PEX1: variants seen among roughly 807,000 people sequenced by gnomAD.
PEX1 encodes peroxisomal ATPase PEX1.
In PEX1, 97 loss-of-function variants were observed where a neutral mutation model predicts 152.5. The observed-to-expected ratio is 0.64, with a 90% CI of 0.54 to 0.75. The LOEUF is 0.75. Among genes scored for constraint, PEX1 ranks in the 30% least tolerant of loss-of-function variants. The pLI is 0.00. For synonymous variants in PEX1, 485 were observed against 531.6 expected (o/e 0.91, Z 1.21); for missense variants, 1,357 against 1,516.3 (o/e 0.89, Z 1.74).
chr7:92,520,205 A>G (rs1474210785), intron 2 of PEX1, among the ~76,000 whole-genome samples: 1 of 152,206 alleles, frequency 6.6e-6, no homozygotes, highest in African/African-American at 2.4e-5. Flanking sequence ...TGTTGCCCAC[A>G]GGGAAGTGCT....
In PEX1 at chr7:92,489,417, C is replaced by T. The variant is rs1338365295; in HGVS notation, c.3643G>A (p.Glu1215Lys). ...GRYRSQSGED[E>K]SMNQPGPIKT... Reference sequence around the variant, plus strand: ...ATTGGTCCTGGTTGGTTCATGGATTCGTCCTCCTTAAGTAAAAAAAGAAAT... The same window carrying T: ...ATTGGTCCTGGTTGGTTCATGGATTTGTCCTCCTTAAGTAAAAAAAGAAAT... Residue 1215 changes from glutamate (E) to lysine (K), a missense_variant, in exon 23 of 24, where the codon GAA becomes AAA. Glu to Lys is a moderately conservative substitution (Grantham distance 56). Coordinates refer to ENST00000248633, the MANE Select transcript of PEX1 (RefSeq NM_000466.3). 2.5e-6 allele frequency: 4 copies of T among 1,612,418 alleles called. No individual in the cohort carries two copies. The highest frequency in any genetic ancestry group is 2.2e-5 in the East Asian group (1 of 44,824).
chr7:92,516,008 A>AAAGAAAAGAGAAGAG (rs1452002272), intron 5 of PEX1, among the ~76,000 whole-genome samples: 17 of 103,552 alleles, frequency 1.6e-4, no homozygotes, highest in African/African-American at 4.0e-4. Flanking sequence ...AAAGAAAAGA[A>AAAGAAAAGAGAAGAG]AAGAGAAGAG....
intron 13 of PEX1, 46 bp from the exon 14 acceptor site, chr7:92,502,125 G>A (rs748185213): frequency 7.8e-7 from 1 of 1,283,098 alleles, no homozygotes; most frequent in African/African-American, 1.5e-5. Flanking sequence ...GTATTCAACT[G>A]TATATTTTTG....
At chr7:92,519,154 T>C (rs935381640) in intron 2 of PEX1, 76 bp from the exon 3 acceptor site, 2 of 814,162 alleles carry the variant, frequency 2.5e-6, no homozygotes, top group Non-Finnish European at 2.1e-6. Context: ...AGAAGTTATC[T>C]TCTTACCATT....
At chr7:92,505,862 C>G (rs944032717) in intron 11 of PEX1, among the ~76,000 whole-genome samples, 1 of 152,098 alleles carries the variant, frequency 6.6e-6, no homozygotes, top group African/African-American at 2.4e-5. Flanking sequence ...AACTGTAATT[C>G]TCCTCATTGC....
intron 22 of PEX1, 133 bp downstream of exon 22, chr7:92,489,581 A>G: frequency 9.8e-7 from 1 of 1,015,752 alleles, no homozygotes; most frequent in Non-Finnish European, 1.5e-6. Context: ...GCACATAACC[A>G]TGACTGAGTT....
Position 92,516,055 on chromosome 7 carries a change from AAAAAGAAAAGAAAAG to A in PEX1, c.1239+1206_1239+1220del, listed in dbSNP as rs58641640. 5.2e-3 allele frequency among the ~76,000 whole-genome samples: 450 copies of A among 85,738 alleles called. 5 individuals carry two copies. The highest frequency in any genetic ancestry group is 0.013 in the African/African-American group (293 of 22,466). 56.2% of individuals were successfully genotyped at this position (85,738 alleles called of 152,430 possible). A position where few individuals can be genotyped will look rare whatever the true frequency, so the allele number is the denominator to read the frequency against. On this transcript the variant is annotated intron_variant, in intron 5 of 23. Coordinates refer to ENST00000248633, the MANE Select transcript of PEX1 (RefSeq NM_000466.3). ...AGAGAAGAGAAGAGAAGAGAAGAGA[AAAAAGAAAAGAAAAG>A]AAAAGAAAAGAAAAGAAAAGAAAAG...
chr7:92,511,760 C>G, intron 6 of PEX1, 57 bp from the exon 7 acceptor site: 1 of 1,506,722 alleles, frequency 6.6e-7, no homozygotes, highest in Non-Finnish European at 9.1e-7. Flanking sequence ...AACTTTAACA[C>G]CCTTATTTTA....
At chr7:92,513,703 T>C (rs376200231) in intron 6 of PEX1, 145 bp downstream of exon 6, 24 of 594,148 alleles carry the variant, frequency 4.0e-5, no homozygotes, top group East Asian at 3.0e-4. Context: ...GAACATGGCA[T>C]ATTTTATGTT....
chr7:92,511,847 G>A (rs1023776277), intron 6 of PEX1, 144 bp from the exon 7 acceptor site: 4 of 739,498 alleles, frequency 5.4e-6, no homozygotes, highest in African/African-American at 5.3e-5. Context: ...ATAGGCACAG[G>A]TCTGGGATTT....
rs1226446593 is a variant in PEX1 at position 92,513,974 on chromosome 7, T to G, written c.1240-7A>C. On this transcript the variant is annotated splice_polypyrimidine_tract_variant and splice_region_variant and intron_variant, in intron 5 of 23. Coordinates refer to ENST00000248633, the MANE Select transcript of PEX1 (RefSeq NM_000466.3). ...TCCTCAGGTCATCTGGAATCTGAAA[T>G]TTAAAAATAAACAAAAATATAAATA... 6.5e-7 allele frequency: 1 copy of G among 1,542,370 alleles called. No homozygotes were observed.
chr7:92,487,324 C>G lies in PEX1; in HGVS notation c.*133G>C, dbSNP rs886062500. ...ATCATTACATAATTATAGCATTTAC[C>G]AATCTGTGATTTTATAAATTAACCA... is the stretch of plus-strand genomic sequence containing the variant. On this transcript the variant is annotated 3_prime_UTR_variant, in exon 24 of 24. Coordinates refer to ENST00000248633, the MANE Select transcript of PEX1 (RefSeq NM_000466.3). 4.8e-5 allele frequency: 28 copies of G among 584,154 alleles called. No homozygotes were observed. Among genetic ancestry groups the G allele is most frequent in the Non-Finnish European group, 6.1e-5 (20 of 328,736 alleles). 36.2% of individuals were successfully genotyped at this position (584,154 alleles called of 1,614,324 possible).
intron 5 of PEX1, 75 bp downstream of exon 5, chr7:92,517,201 A>C: frequency 8.9e-7 from 1 of 1,121,060 alleles, no homozygotes; most frequent in Non-Finnish European, 1.4e-6. Context: ...TATATATGAA[A>C]TACTATTCTA....
intron 10 of PEX1, 182 bp from the exon 11 acceptor site, chr7:92,506,526 CCAGA>C: frequency 1.7e-6 from 1 of 597,404 alleles, no homozygotes; most frequent in Non-Finnish European, 3.0e-6. Context: ...GATAGCAAAA[CCAGA>C]CAAAGACAAC....
At chr7:92,516,269 T>C (rs1792781922) in intron 5 of PEX1, among the ~76,000 whole-genome samples, 1 of 150,450 alleles carries the variant, frequency 6.6e-6, no homozygotes, top group African/African-American at 2.4e-5. Flanking sequence ...CTACTAAAAA[T>C]ACAAAAAATT....
chr7:92,496,717 TAA>T lies in PEX1; in HGVS notation c.2777_2778del (p.Phe926TyrfsTer2). 6.2e-7 allele frequency: 1 copy of T among 1,602,884 alleles called. No homozygotes were observed. Among genetic ancestry groups the T allele is most frequent in the Non-Finnish European group, 8.5e-7 (1 of 1,169,910 alleles). Reference sequence around the variant, plus strand: ...AAACATTCATAGGCTACCAACCTAATAAAAATATCCCGAACAGCTTGTTCACT... The same window carrying T: ...AAACATTCATAGGCTACCAACCTAATAAATATCCCGAACAGCTTGTTCACT... ...GASEQAVRDIFIRAQAAKPCI... is the reference protein window; with the variant it reads ...GASEQAVRDIXIRAQAAKPCI... On this transcript the variant is annotated frameshift_variant, in exon 17 of 24. Coordinates refer to ENST00000248633, the MANE Select transcript of PEX1 (RefSeq NM_000466.3). LOFTEE classifies it high-confidence loss of function.
chr7:92,509,395 A>G lies in PEX1; in HGVS notation c.1604T>C (p.Met535Thr), dbSNP rs1792348704. 1 of 1,611,204 alleles carries G rather than the reference A, an allele frequency of 6.2e-7. No individual in the cohort carries two copies. The highest frequency in any genetic ancestry group is 8.5e-7 in the Non-Finnish European group (1 of 1,177,780). Reference sequence around the variant, plus strand: ...TTCCTCACTGTTTTCTTCTTTTACCATAGGATCTAGAAGGACCTACAGTTG... The same window carrying G: ...TTCCTCACTGTTTTCTTCTTTTACCGTAGGATCTAGAAGGACCTACAGTTG... ...KTTIQVLLDP[M>T]VKEENSEEID... The change falls in exon 9 of 24, where the codon ATG (methionine) becomes ACG (threonine). Residue 535 changes from methionine to threonine, a missense_variant. By Grantham distance (81) the Met-to-Thr change is moderately conservative. Coordinates refer to ENST00000248633, the MANE Select transcript of PEX1 (RefSeq NM_000466.3).
intron 16 of PEX1, 30 bp downstream of exon 16, chr7:92,499,674 A>AT: frequency 1.3e-6 from 2 of 1,581,494 alleles, no homozygotes; most frequent in Non-Finnish European, 1.7e-6. Context: ...TTTTACCTAA[A>AT]TAAAAAAAGA....
intron 16 of PEX1, among the ~76,000 whole-genome samples, chr7:92,497,164 T>C (rs1401778675): frequency 6.6e-6 from 1 of 152,152 alleles, no homozygotes; most frequent in Non-Finnish European, 1.5e-5. Flanking sequence ...ATACTGAATG[T>C]GTCTATCTGC....
Sources: allele counts gnomAD v4.1 joint callset (sites outside exome capture counted in the v4.1 genomes callset), GRCh38; gene constraint gnomAD v4.1.1; transcripts MANE v1.5; gene names NCBI Gene and HGNC (gene_info 2026-07-23, HGNC 2026-07-21).